Variants in SH3RF1 observed in about 807,000 individuals in gnomAD.
SH3RF1 encodes the protein SH3 domain containing ring finger 1, also known as E3 ubiquitin-protein ligase SH3RF1.
SH3RF1 carries 32 observed loss-of-function variants against 74.0 expected under a neutral mutation model. The ratio of observed to expected loss-of-function variants is 0.43; its 90% CI spans 0.33 to 0.58. SH3RF1 has a LOEUF of 0.58. Ranked by LOEUF, SH3RF1 falls within the 20% of genes least tolerant of loss-of-function variation. SH3RF1 has a pLI of 0.05. For synonymous variants in SH3RF1, 396 were observed against 439.6 expected (o/e 0.90, Z 1.24); for missense variants, 954 against 1,130.9 (o/e 0.84, Z 2.24).
intron 11 of SH3RF1, among the ~76,000 whole-genome samples, chr4:169,106,392 A>C (rs1733138677): frequency 6.6e-6 from 1 of 151,984 alleles, no homozygotes; most frequent in Non-Finnish European, 1.5e-5. Context: ...TTCTTCCTTC[A>C]GTGTGGCCCA....
chr4:169,108,058 T>C (rs1733176785), intron 10 of SH3RF1, among the ~76,000 whole-genome samples: 1 of 152,198 alleles, frequency 6.6e-6, no homozygotes, highest in South Asian at 2.1e-4. Context: ...GCTAGGAAAA[T>C]CAGATGTCAA....
chr4:169,114,921 C>T (rs942872767), intron 10 of SH3RF1, among the ~76,000 whole-genome samples: 4 of 152,156 alleles, frequency 2.6e-5, no homozygotes, highest in Non-Finnish European at 4.4e-5. Context: ...TGATCGCCCT[C>T]AAACTTCCCA....
intron 4 of SH3RF1, among the ~76,000 whole-genome samples, chr4:169,150,828 A>G (rs903650476): frequency 4.6e-5 from 7 of 152,230 alleles, no homozygotes; most frequent in Admixed American, 1.3e-4. Flanking sequence ...AATAACCAGT[A>G]GAGATTACAA....
At chr4:169,119,667 C>A (rs889076414) in intron 8 of SH3RF1, among the ~76,000 whole-genome samples, 1 of 152,082 alleles carries the variant, frequency 6.6e-6, no homozygotes, top group Non-Finnish European at 1.5e-5. Flanking sequence ...TAAAAATTTG[C>A]AAGTCAAATT....
chr4:169,101,356 A>G (rs1733028613), intron 11 of SH3RF1, among the ~76,000 whole-genome samples: 1 of 152,234 alleles, frequency 6.6e-6, no homozygotes, highest in Admixed American at 6.5e-5. Flanking sequence ...AATAAGCTGC[A>G]TGCACACAGA....
chr4:169,173,996 G>C (rs1454641592), intron 2 of SH3RF1, among the ~76,000 whole-genome samples: 2 of 91,968 alleles, frequency 2.2e-5, no homozygotes, highest in Non-Finnish European at 4.9e-5. Context: ...GTAATTTCCT[G>C]AGTTATATAT....
intron 2 of SH3RF1, among the ~76,000 whole-genome samples, chr4:169,220,860 T>C (rs1192093522): frequency 6.6e-6 from 1 of 152,222 alleles, no homozygotes; most frequent in African/African-American, 2.4e-5. Flanking sequence ...TATTTATAAT[T>C]TCCAAAAACA....
intron 7 of SH3RF1, 135 bp downstream of exon 7, chr4:169,121,965 G>C: frequency 8.8e-7 from 1 of 1,139,138 alleles, no homozygotes; most frequent in South Asian, 1.7e-5. Context: ...CCAGGTAGAA[G>C]TTTGCAGGAC....
intron 11 of SH3RF1, among the ~76,000 whole-genome samples, chr4:169,100,348 C>A (rs958426558): frequency 2.0e-5 from 3 of 149,776 alleles, no homozygotes; most frequent in African/African-American, 7.3e-5. Flanking sequence ...CGTCAAATAT[C>A]TTTTTTTTTT....
chr4:169,253,541 T>C (rs1297185888), intron 2 of SH3RF1, among the ~76,000 whole-genome samples: 1 of 152,190 alleles, frequency 6.6e-6, no homozygotes, highest in Non-Finnish European at 1.5e-5. Context: ...CTTCCCTCTT[T>C]CCGCTCCATT....
chr4:169,206,864 G>A (rs1026957882), intron 2 of SH3RF1, among the ~76,000 whole-genome samples: 2 of 152,230 alleles, frequency 1.3e-5, no homozygotes, highest in Admixed American at 1.3e-4. Context: ...GCCAGGTTCA[G>A]TGGCTCATGC....
At chr4:169,261,898 C>G (rs1731283861) in intron 2 of SH3RF1, among the ~76,000 whole-genome samples, 1 of 151,774 alleles carries the variant, frequency 6.6e-6, no homozygotes, top group Admixed American at 6.6e-5. Flanking sequence ...ATTTTTAATT[C>G]TTAAAACAAA....
At chr4:169,153,200 T>C (rs929688654) in intron 4 of SH3RF1, among the ~76,000 whole-genome samples, 1 of 152,150 alleles carries the variant, frequency 6.6e-6, no homozygotes, top group Admixed American at 6.5e-5. Context: ...CTCTGCGTGA[T>C]AGTCTAATCT....
intron 11 of SH3RF1, among the ~76,000 whole-genome samples, chr4:169,100,651 A>C (rs1177442656): frequency 1.3e-5 from 2 of 152,134 alleles, no homozygotes; most frequent in Non-Finnish European, 2.9e-5. Context: ...ACATACTAAT[A>C]TTCTTAAGTG....
chr4:169,134,656 C>T (rs545569104), intron 5 of SH3RF1, among the ~76,000 whole-genome samples: 1 of 152,144 alleles, frequency 6.6e-6, no homozygotes, highest in East Asian at 1.9e-4. Context: ...AGTTCTGAAC[C>T]TTTCTGGATT....
At chr4:169,251,880 T>C (rs1023044699) in intron 2 of SH3RF1, among the ~76,000 whole-genome samples, 4 of 152,242 alleles carry the variant, frequency 2.6e-5, no homozygotes, top group East Asian at 1.9e-4. Context: ...AACTGTGATA[T>C]CATTCTTCCT....
At chr4:169,173,874 C>T (rs1200499226) in intron 2 of SH3RF1, among the ~76,000 whole-genome samples, 2 of 151,882 alleles carry the variant, frequency 1.3e-5, no homozygotes, top group African/African-American at 4.8e-5. Context: ...AAGAATATGG[C>T]TATTACCCTC....
At chr4:169,167,076 GC>G in intron 2 of SH3RF1, 1 of 183,304 alleles carries the variant, frequency 5.5e-6, no homozygotes. Flanking sequence ...ATCTGTGTTT[GC>G]CCTGACAAAT....
intron 6 of SH3RF1, among the ~76,000 whole-genome samples, chr4:169,126,739 A>T (rs1050919183): frequency 2.6e-5 from 4 of 151,968 alleles, no homozygotes; most frequent in African/African-American, 9.7e-5. Context: ...ATGCACCACC[A>T]TGCCCAGCTA....
Sources: allele counts gnomAD v4.1 joint callset (sites outside exome capture counted in the v4.1 genomes callset), GRCh38; gene constraint gnomAD v4.1.1; transcripts MANE v1.5; gene names NCBI Gene and HGNC (gene_info 2026-07-23, HGNC 2026-07-21).